The following KCNU1 variants were observed in gnomAD, a reference collection of about 807,000 sequenced individuals.
The protein encoded by KCNU1 is potassium channel subfamily U member 1.
KCNU1 carries 93 observed loss-of-function variants against 126.8 expected under a neutral mutation model. That is an observed-to-expected ratio of 0.73 (90% CI 0.62 to 0.87). The LOEUF (loss-of-function observed/expected upper bound fraction) is 0.87. KCNU1 is among the 40% of genes least tolerant of loss of function. The pLI, the probability that KCNU1 is intolerant of heterozygous loss-of-function variation, is 0.00. For missense variants in KCNU1, 1,330 were observed against 1,367.1 expected (o/e 0.97, Z 0.43); for synonymous variants, 523 against 494.2 (o/e 1.06, Z -0.77).
intron 14 of KCNU1, among the ~76,000 whole-genome samples, chr8:36,839,918 T>C (rs561077552): frequency 6.6e-6 from 1 of 152,322 alleles, no homozygotes; most frequent in East Asian, 1.9e-4. Context: ...CCCATTTCTC[T>C]GGAAACCTAC....
intron 10 of KCNU1, among the ~76,000 whole-genome samples, chr8:36,822,961 G>T (rs1440937126): frequency 1.3e-5 from 2 of 152,308 alleles, no homozygotes; most frequent in East Asian, 3.9e-4. Flanking sequence ...TTTGACAGAA[G>T]AAATCAGTTC....
At chr8:36,802,100 C>G (rs980964556) in intron 2 of KCNU1, among the ~76,000 whole-genome samples, 1 of 120,962 alleles carries the variant, frequency 8.3e-6, no homozygotes, top group East Asian at 2.5e-4. Flanking sequence ...AAGAGCGAAA[C>G]TCCGTCTCAA....
intron 26 of KCNU1, among the ~76,000 whole-genome samples, chr8:36,933,803 G>C (rs1237193537): frequency 6.6e-6 from 1 of 152,070 alleles, no homozygotes; most frequent in Non-Finnish European, 1.5e-5. Context: ...GAAAAGAAGA[G>C]ATGCCAAGGC....
chr8:36,855,797 A>G (rs1162528186), intron 18 of KCNU1, among the ~76,000 whole-genome samples: 1 of 151,986 alleles, frequency 6.6e-6, no homozygotes, highest in East Asian at 1.9e-4. Flanking sequence ...TTCATTTTTT[A>G]AAGATAGTTT....
At chr8:36,928,611 AGATT>A (rs1808602975) in intron 24 of KCNU1, among the ~76,000 whole-genome samples, 1 of 152,180 alleles carries the variant, frequency 6.6e-6, no homozygotes, top group African/African-American at 2.4e-5. Context: ...TAATTCATAT[AGATT>A]ATATTATTTC....
chr8:36,822,139 C>T (rs990928715), intron 10 of KCNU1, among the ~76,000 whole-genome samples: 14 of 152,062 alleles, frequency 9.2e-5, no homozygotes, highest in African/African-American at 2.9e-4. Flanking sequence ...GACAGTATGC[C>T]GGTTATGCCA....
chr8:36,807,297 C>A, intron 5 of KCNU1, 78 bp from the exon 6 acceptor site: 2 of 942,848 alleles, frequency 2.1e-6, no homozygotes, highest in South Asian at 1.3e-5. Flanking sequence ...GTAAGTGATT[C>A]CAATGCTGTT....
intron 16 of KCNU1, among the ~76,000 whole-genome samples, chr8:36,841,220 C>G (rs1469705414): frequency 6.6e-6 from 1 of 152,026 alleles, no homozygotes; most frequent in Non-Finnish European, 1.5e-5. Context: ...TGGGCAAACA[C>G]TTCTCTTTTG....
intron 22 of KCNU1, among the ~76,000 whole-genome samples, chr8:36,918,575 A>C (rs1808213569): frequency 6.6e-6 from 1 of 151,578 alleles, no homozygotes; most frequent in Non-Finnish European, 1.5e-5. Context: ...AAAAGAAAAA[A>C]GAAAAGAAGA....
At chr8:36,887,975 A>C (rs1806784404) in intron 19 of KCNU1, among the ~76,000 whole-genome samples, 2 of 152,146 alleles carry the variant, frequency 1.3e-5, no homozygotes, top group South Asian at 4.1e-4. Context: ...CATGAGGCTC[A>C]TCTAATCTCC....
At chr8:36,845,713 A>AGTG in intron 17 of KCNU1, 44 bp downstream of exon 17, 1 of 1,460,630 alleles carries the variant, frequency 6.8e-7, no homozygotes, top group Non-Finnish European at 9.6e-7. Context: ...AAGCAACTAC[A>AGTG]GCTTAATGGG....
At chr8:36,930,701 T>A (rs1010260762) in intron 24 of KCNU1, among the ~76,000 whole-genome samples, 1 of 152,176 alleles carries the variant, frequency 6.6e-6, no homozygotes, top group Non-Finnish European at 1.5e-5. Flanking sequence ...CATTTTCTTC[T>A]TCATCCGAAG....
chr8:36,808,345 A>G (rs565203182), intron 6 of KCNU1, among the ~76,000 whole-genome samples: 3 of 152,232 alleles, frequency 2.0e-5, no homozygotes, highest in South Asian at 4.2e-4. Context: ...AGCATAATGA[A>G]TTGTATATTA....
chr8:36,856,070 A>T (rs1019139220), intron 18 of KCNU1, among the ~76,000 whole-genome samples: 7 of 152,186 alleles, frequency 4.6e-5, no homozygotes. Flanking sequence ...AATAATTAAC[A>T]TCAGTTAATG....
chr8:36,823,982 C>T (rs1419170787), intron 10 of KCNU1, among the ~76,000 whole-genome samples: 1 of 151,870 alleles, frequency 6.6e-6, no homozygotes, highest in Non-Finnish European at 1.5e-5. Context: ...GGATTACAGG[C>T]ATGCACCACC....
chr8:36,930,976 A>T lies in KCNU1; in HGVS notation c.2762A>T (p.Glu921Val). Residue 921 changes from glutamate to valine, a missense_variant, in exon 25 of 27, where the codon GAA (glutamate) becomes GTA (valine). Physicochemically the swap from Glu to Val is moderately radical, Grantham distance 121. This residue lies in a region of KCNU1 where 1,054 missense variants were observed against 1,053.9 expected (regional missense o/e 1.00). Coordinates refer to ENST00000399881, the MANE Select transcript of KCNU1 (RefSeq NM_001031836.3). Reference protein sequence around the residue: ...ATAFYNYHVLELLQMLVTGGV... With the variant: ...ATAFYNYHVLVLLQMLVTGGV... ...GCCTTCTACAATTATCATGTCCTGG[A>T]ATTGCTTCAGATGCTGGTGACAGGA... The T allele has an allele frequency of 1.2e-6, 2 of 1,608,260 alleles. No individual in the cohort carries two copies. The highest frequency in any genetic ancestry group is 1.7e-6 in the Non-Finnish European group (2 of 1,177,332).
At chr8:36,793,927 G>A (rs531690305) in intron 2 of KCNU1, among the ~76,000 whole-genome samples, 8 of 151,818 alleles carry the variant, frequency 5.3e-5, no homozygotes, top group Non-Finnish European at 7.4e-5. Flanking sequence ...GGTGGTGCTC[G>A]CCTGTAATCC....
intron 7 of KCNU1, among the ~76,000 whole-genome samples, chr8:36,809,831 C>CT (rs759735759): frequency 1.3e-5 from 2 of 152,242 alleles, no homozygotes; most frequent in Non-Finnish European, 2.9e-5. Context: ...GGCTCAAAGG[C>CT]TTAATGTGGC....
intron 2 of KCNU1, among the ~76,000 whole-genome samples, chr8:36,791,133 A>G (rs983310479): frequency 1.3e-5 from 2 of 152,112 alleles, no homozygotes; most frequent in African/African-American, 4.8e-5. Context: ...TGTTAATATT[A>G]ATAGAATATG....
Sources: allele counts gnomAD v4.1 joint callset (sites outside exome capture counted in the v4.1 genomes callset), GRCh38; gene constraint gnomAD v4.1.1; regional missense constraint gnomAD v4.1.1; transcripts MANE v1.5; gene names NCBI Gene and HGNC (gene_info 2026-07-23, HGNC 2026-07-21).